Variants in UNC5D observed in about 807,000 individuals in gnomAD.
The protein encoded by UNC5D is netrin receptor UNC5D.
Under a neutral mutation model 105.4 loss-of-function variants are expected in UNC5D, and 39 were observed. The observed-to-expected ratio is 0.37, with a 90% CI of 0.29 to 0.48. The LOEUF (loss-of-function observed/expected upper bound fraction) is 0.48, where lower values mean the gene tolerates loss of function less well. Among genes scored for constraint, UNC5D ranks in the 20% least tolerant of loss-of-function variants. The probability of loss-of-function intolerance (pLI) is 0.98; values close to 1 mark genes in which losing one functional copy is unlikely to be tolerated. For synonymous variants in UNC5D, 452 were observed against 450.4 expected (o/e 1.00, Z -0.04); for missense variants, 991 against 1,202.4 (o/e 0.82, Z 2.60).
chr8:35,411,314 G>A (rs969710287), intron 1 of UNC5D, among the ~76,000 whole-genome samples: 1 of 152,066 alleles, frequency 6.6e-6, no homozygotes, highest in Non-Finnish European at 1.5e-5. Flanking sequence ...CCTGTTGCAA[G>A]TATAATTCCT....
At chr8:35,522,456 G>A in intron 1 of UNC5D, among the ~76,000 whole-genome samples, 1 of 152,204 alleles carries the variant, frequency 6.6e-6, no homozygotes, top group Non-Finnish European at 1.5e-5. Context: ...CAATGAGCTT[G>A]TGATTTCAAT....
Position 35,512,465 on chromosome 8 carries a change from CATATATATATATATATATAT to C in UNC5D, c.104-36802_104-36783del, listed in dbSNP as rs780945660. Among the ~76,000 whole-genome samples the C allele has an allele frequency of 5.3e-3, 106 of 20,112 alleles. 5 individuals are homozygous for C. Among genetic ancestry groups the C allele is most frequent in the Admixed American group, 0.014 (14 of 1,034 alleles). 13.2% of individuals were successfully genotyped at this position (20,112 alleles called of 152,430 possible). ...TGAGAGTTCAAGGCTAATAGTGAGC[CATATATATATATATATATAT>C]ATATATATATATATATATATATATC... On this transcript the variant is annotated intron_variant, in intron 1 of 16. Coordinates refer to ENST00000404895, the MANE Select transcript of UNC5D (RefSeq NM_080872.4).
At chr8:35,269,437 CT>C (rs1805118539) in intron 1 of UNC5D, among the ~76,000 whole-genome samples, 1 of 152,210 alleles carries the variant, frequency 6.6e-6, no homozygotes, top group Non-Finnish European at 1.5e-5. Context: ...CTTCTTCATG[CT>C]GCCCTCCTTG....
chr8:35,403,457 G>A (rs1035613932), intron 1 of UNC5D, among the ~76,000 whole-genome samples: 9 of 152,170 alleles, frequency 5.9e-5, no homozygotes, highest in East Asian at 1.9e-4. Flanking sequence ...CAGAGTCTTC[G>A]GAAGTACCTA....
chr8:35,634,342 C>T (rs1018082836), intron 4 of UNC5D, among the ~76,000 whole-genome samples: 1 of 152,200 alleles, frequency 6.6e-6, no homozygotes, highest in Non-Finnish European at 1.5e-5. Flanking sequence ...CTGTGTTAAA[C>T]TGTAAACTAA....
intron 1 of UNC5D, among the ~76,000 whole-genome samples, chr8:35,522,090 C>T (rs2589756): frequency 0.25 from 37,673 of 152,126 alleles, 5,238 homozygotes; most frequent in African/African-American, 0.39. Flanking sequence ...CATCAACAAA[C>T]ATGACACACA....
intron 1 of UNC5D, among the ~76,000 whole-genome samples, chr8:35,380,832 AT>A (rs1802999336): frequency 6.6e-6 from 1 of 152,282 alleles, no homozygotes; most frequent in East Asian, 1.9e-4. Context: ...AACCTATAGC[AT>A]TTTTTATGTC....
intron 1 of UNC5D, among the ~76,000 whole-genome samples, chr8:35,415,758 G>A (rs1805486769): frequency 6.6e-6 from 1 of 152,086 alleles, no homozygotes; most frequent in Non-Finnish European, 1.5e-5. Flanking sequence ...ATATATAGCA[G>A]TTATGAAGAC....
chr8:35,304,814 A>G (rs2128873407), intron 1 of UNC5D, among the ~76,000 whole-genome samples: 1 of 152,294 alleles, frequency 6.6e-6, no homozygotes. Flanking sequence ...TGTCTGCAGC[A>G]TAATTATTAA....
chr8:35,612,723 C>CAT (rs1820765377), intron 4 of UNC5D, among the ~76,000 whole-genome samples: 1 of 64,742 alleles, frequency 1.5e-5, no homozygotes, highest in Non-Finnish European at 2.6e-5. Context: ...AATGTTTTGC[C>CAT]TTTTTTTTTT....
chr8:35,578,269 CAAA>C (rs5890823), intron 3 of UNC5D, among the ~76,000 whole-genome samples: 5 of 71,438 alleles, frequency 7.0e-5, no homozygotes, highest in Admixed American at 3.2e-4. Flanking sequence ...AACTCTGTCT[CAAA>C]AAAAAAAAAG....
chr8:35,274,938 A>G (rs1229220700), intron 1 of UNC5D, among the ~76,000 whole-genome samples: 1 of 151,962 alleles, frequency 6.6e-6, no homozygotes, highest in African/African-American at 2.4e-5. Flanking sequence ...AAAAATACAA[A>G]AAATTGGCTG....
intron 14 of UNC5D, among the ~76,000 whole-genome samples, chr8:35,761,360 C>T (rs1801523421): frequency 6.6e-6 from 1 of 152,076 alleles, no homozygotes; most frequent in Non-Finnish European, 1.5e-5. Flanking sequence ...GAACCATTAC[C>T]TTGCAGCATG....
chr8:35,384,495 C>T (rs1454673553), intron 1 of UNC5D, among the ~76,000 whole-genome samples: 2 of 152,138 alleles, frequency 1.3e-5, no homozygotes, highest in African/African-American at 4.8e-5. Flanking sequence ...ACAGAGCCAA[C>T]CTTGTAAAAG....
intron 10 of UNC5D, 99 bp from the exon 11 acceptor site, chr8:35,730,913 A>T: frequency 1.0e-6 from 1 of 1,001,202 alleles, no homozygotes; most frequent in Non-Finnish European, 1.5e-6. Flanking sequence ...TGCCATGAGA[A>T]AGTAGCTTGT....
At chr8:35,294,373 C>A (rs1357481766) in intron 1 of UNC5D, among the ~76,000 whole-genome samples, 1 of 152,092 alleles carries the variant, frequency 6.6e-6, no homozygotes, top group Non-Finnish European at 1.5e-5. Context: ...TTCTTAATGG[C>A]ATCTAGATGC....
intron 1 of UNC5D, among the ~76,000 whole-genome samples, chr8:35,470,330 T>C (rs1215361837): frequency 1.3e-5 from 2 of 152,092 alleles, no homozygotes; most frequent in Non-Finnish European, 2.9e-5. Context: ...TTCATTAACA[T>C]AACAAACATT....
intron 1 of UNC5D, among the ~76,000 whole-genome samples, chr8:35,436,617 T>C (rs1239414327): frequency 6.6e-6 from 1 of 151,924 alleles, no homozygotes; most frequent in Non-Finnish European, 1.5e-5. Context: ...ATACAGAAAT[T>C]TTTAGTATTA....
chr8:35,265,223 A>T (rs1021028897), intron 1 of UNC5D, among the ~76,000 whole-genome samples: 1 of 152,186 alleles, frequency 6.6e-6, no homozygotes. Flanking sequence ...GTCTGATGCT[A>T]TTACTTAATC....
Sources: allele counts gnomAD v4.1 joint callset (sites outside exome capture counted in the v4.1 genomes callset), GRCh38; gene constraint gnomAD v4.1.1; transcripts MANE v1.5; gene names NCBI Gene and HGNC (gene_info 2026-07-23, HGNC 2026-07-21).